GGA1: variants seen among roughly 807,000 people sequenced by gnomAD.
GGA1 encodes the protein golgi associated, gamma adaptin ear containing, ARF binding protein 1.
Under a neutral mutation model 76.9 loss-of-function variants are expected in GGA1, and 18 were observed. That is an observed-to-expected ratio of 0.23 (90% CI 0.16 to 0.35). The LOEUF is 0.35. GGA1 is among the 10% of genes least tolerant of loss of function. GGA1 has a pLI of 1.00. For synonymous variants in GGA1, 342 were observed against 354.7 expected, an observed-to-expected ratio of 0.96 and a Z score of 0.40; for missense variants, 755 against 859.0, an observed-to-expected ratio of 0.88 and a Z score of 1.51.
At chr22:37,613,764 C>A (rs897576242) in intron 1 of GGA1, among the ~76,000 whole-genome samples, 2 of 152,148 alleles carry the variant, frequency 1.3e-5, no homozygotes, top group Admixed American at 1.3e-4. Flanking sequence ...CCTAGCTTCC[C>A]TTGGCCCACT....
chr22:37,609,122 C>T lies in GGA1; in HGVS notation c.43+219C>T, dbSNP rs115096809. ...GTGGGAGCGGGCGCCGCCCACCTGT[C>T]GGATCCCTGGGCCATGACCCCTGGG... On this transcript the variant is annotated intron_variant, in intron 1 of 16. Coordinates refer to ENST00000343632, the MANE Select transcript of GGA1 (RefSeq NM_013365.5). 3,385 of 1,480,864 alleles carry T rather than the reference C, an allele frequency of 2.3e-3. 81 individuals carry two copies. The African/African-American group carries it at 0.045, about 20-fold the overall frequency. The allele number at this position is 1,480,864 out of a possible 1,614,324, so 91.7% of individuals were successfully genotyped here.
intron 4 of GGA1, among the ~76,000 whole-genome samples, chr22:37,619,347 G>A (rs1568978874): frequency 6.7e-6 from 1 of 149,024 alleles, no homozygotes; most frequent in Non-Finnish European, 1.5e-5. Flanking sequence ...TTACAGGCGT[G>A]AGCCACCATG....
Position 37,611,064 on chromosome 22 carries a change from T to G in GGA1, c.43+2161T>G, listed in dbSNP as rs1927466710. On this transcript the variant is annotated intron_variant, in intron 1 of 16. Transcript: ENST00000343632. Reference sequence around the variant, plus strand: ...ACTTCCTGTTTTAGGGTCTTCTGGCTGGGTGTCATTGAATGGGCAGTGATT... The same window carrying G: ...ACTTCCTGTTTTAGGGTCTTCTGGCGGGGTGTCATTGAATGGGCAGTGATT... 2.0e-5 allele frequency among the ~76,000 whole-genome samples: 3 copies of G among 152,348 alleles called. No homozygotes were observed. In the South Asian group the frequency reaches 6.2e-4, roughly 32 times the overall value.
intron 1 of GGA1, among the ~76,000 whole-genome samples, chr22:37,611,932 ATT>A (rs1927687388): frequency 6.6e-6 from 1 of 152,312 alleles, no homozygotes; most frequent in Admixed American, 6.5e-5. Context: ...TGGGTGGATC[ATT>A]TGAGGTCAGG....
chr22:37,631,055 T>C lies in GGA1; in HGVS notation c.1484T>C (p.Leu495Pro), dbSNP rs1323763324. Residue 495 changes from leucine (L) to proline (P), a missense_variant, in exon 14 of 17, where the codon CTC (leucine) becomes CCC (proline). Leu to Pro is a moderately conservative substitution (Grantham distance 98, BLOSUM62 -3). Transcript: ENST00000343632. ...CCGCAGCAGCCCGTACCAACCGAGC[T>C]CTCACTGGCCAGCATCACTGTGCCC... ...RPPQQPVPTE[L>P]SLASITVPLE... is the part of the protein sequence containing the mutation. 6.2e-7 allele frequency: 1 copy of C among 1,606,964 alleles called. No homozygotes were observed. The highest frequency in any genetic ancestry group is 2.3e-5 in the East Asian group (1 of 44,278).
At chr22:37,609,004 A>G (rs1926925660) in intron 1 of GGA1, 101 bp downstream of exon 1, 1 of 1,352,186 alleles carries the variant, frequency 7.4e-7, no homozygotes, top group African/African-American at 1.6e-5. Flanking sequence ...CCCCCTCCTC[A>G]CGCCCCGCCC....
At chr22:37,618,420 T>C (rs1311943289) in intron 3 of GGA1, 28 bp from the exon 4 acceptor site, 2 of 1,405,768 alleles carry the variant, frequency 1.4e-6, no homozygotes, top group East Asian at 2.3e-5. Flanking sequence ...CACCTGGGCG[T>C]CCCCTCCCAT....
Position 37,623,788 on chromosome 22 carries a change from G to A in GGA1, c.832+155G>A. ...CCGACCTTGGGTTTCTCCTCTCTGA[G>A]GACACAGAGCAGGGGCCGCCCCCCT... On this transcript the variant is annotated intron_variant, in intron 9 of 16. Transcript: ENST00000343632. This position sits in a 1 kb window ranked among gnomAD's most constrained non-coding sequence, Gnocchi z 4.6. 1.6e-6 allele frequency: 1 copy of A among 615,910 alleles called. No homozygotes were observed. Among genetic ancestry groups the A allele is most frequent in the South Asian group, 1.9e-5 (1 of 51,790 alleles). 38.2% of individuals were successfully genotyped at this position (615,910 alleles called of 1,614,324 possible).
rs1931997737 is a variant in GGA1, at chr22:37,632,468, C to T, written c.1762C>T (p.His588Tyr). 1 of 1,613,994 alleles carries T rather than the reference C, an allele frequency of 6.2e-7. No individual in the cohort carries two copies. Among genetic ancestry groups the T allele is most frequent in the Middle Eastern group, 1.6e-4 (1 of 6,062 alleles). ...TELPAFNPIV[H>Y]PSAITQVLLL... ...GCTGCCAGCTTTTAACCCCATCGTCCACCCCTCAGCAATCACCCAGGTCCT... is the reference window on the plus strand; with the variant it reads ...GCTGCCAGCTTTTAACCCCATCGTCTACCCCTCAGCAATCACCCAGGTCCT... Residue 588 changes from histidine to tyrosine, a missense_variant, in exon 16 of 17, where the codon CAC becomes TAC. By Grantham distance (83) the His-to-Tyr change is moderately conservative. Coordinates refer to ENST00000343632, the MANE Select transcript of GGA1 (RefSeq NM_013365.5). This position sits in a 1 kb window ranked among gnomAD's most constrained non-coding sequence, Gnocchi z 5.1.
At chr22:37,620,043 T>C in intron 4 of GGA1, 195 bp from the exon 5 acceptor site, 1 of 649,098 alleles carries the variant, frequency 1.5e-6, no homozygotes, top group Non-Finnish European at 2.8e-6. Flanking sequence ...CACTGAGGGC[T>C]GACCCAGCTA....
chr22:37,619,997 C>G, intron 4 of GGA1: 1 of 621,062 alleles, frequency 1.6e-6, no homozygotes, highest in Non-Finnish European at 2.9e-6. Context: ...GTTCTGCATC[C>G]TCACCATGGT....
At chr22:37,610,807 G>C (rs141202886) in intron 1 of GGA1, 1 of 152,274 alleles carries the variant, frequency 6.6e-6, no homozygotes, top group Non-Finnish European at 1.5e-5. Context: ...CTGCTAGGGA[G>C]GGTACTCCCC....
rs1362439135 is a variant in GGA1 at position 37,625,214 on chromosome 22, A to G, written c.940+138A>G. 5.4e-6 allele frequency: 4 copies of G among 745,950 alleles called. No homozygotes were observed. The highest frequency in any genetic ancestry group is 5.5e-5 in the East Asian group (2 of 36,272). 46.2% of individuals were successfully genotyped at this position (745,950 alleles called of 1,614,324 possible). A position where few individuals can be genotyped will look rare whatever the true frequency, so the allele number is the denominator to read the frequency against. ...GGCCCCTTAAGATGGGGAAGGCCCC[A>G]GGGAGGGAGCTGGGGGTGAAGTCTG... is the stretch of plus-strand genomic sequence containing the variant. On this transcript the variant is annotated intron_variant, in intron 10 of 16. Transcript: ENST00000343632. This position sits in a 1 kb window ranked among gnomAD's most constrained non-coding sequence, Gnocchi z 4.1.
chr22:37,630,381 T>G, intron 13 of GGA1: 1 of 527,682 alleles, frequency 1.9e-6, no homozygotes, highest in Non-Finnish European at 3.2e-6. Context: ...CCCCCAGGTG[T>G]TCCCAGCTCC....
rs903983688 is a variant in GGA1, at chr22:37,624,631, G to A, written c.833-338G>A. On this transcript the variant is annotated intron_variant, in intron 9 of 16. Transcript: ENST00000343632. The surrounding 1 kb of genome is among the most constrained non-coding windows in gnomAD (Gnocchi z 4.3). ...GATTTAGGACAGGCCTCCCTGAGGT[G>A]AGCCTTGGGTGAAGACCTGAAGGCA... 1.2e-5 allele frequency: 3 copies of A among 251,204 alleles called. No individual in the cohort carries two copies. In the Admixed American group the frequency reaches 1.3e-4, roughly 11 times the overall value. The allele number at this position is 251,204 out of a possible 1,614,324, so 15.6% of individuals were successfully genotyped here.
intron 1 of GGA1, chr22:37,609,150 GGCGAGTGAGCT>G (rs1569193292): frequency 6.9e-7 from 1 of 1,456,920 alleles, no homozygotes; most frequent in Non-Finnish European, 9.1e-7. Flanking sequence ...CCCCTGGGAC[GGCGAGTGAGCT>G]GCGCCGGGAA....
rs761140024 is a variant in GGA1 at position 37,631,999 on chromosome 22, A to G, written c.1532A>G (p.Asn511Ser). 10 of 1,605,618 alleles carry G rather than the reference A, an allele frequency of 6.2e-6. No individual in the cohort carries two copies. In the East Asian group the frequency reaches 1.3e-4, roughly 22 times the overall value. ...GCCCTCCCACCTTCTCCCACAGGCAACATCCTGCCCGTGACTGTGTATGAC... is the reference window on the plus strand; with the variant it reads ...GCCCTCCCACCTTCTCCCACAGGCAGCATCCTGCCCGTGACTGTGTATGAC... ...TVPLESIKPS[N>S]ILPVTVYDQH... Residue 511 changes from asparagine to serine, a missense_variant, in exon 15 of 17, where the codon AAC (asparagine) becomes AGC (serine). By Grantham distance (46) the Asn-to-Ser change is conservative. Coordinates refer to ENST00000343632, the MANE Select transcript of GGA1 (RefSeq NM_013365.5).
At chr22:37,610,603 A>G (rs1927330891) in intron 1 of GGA1, 1 of 151,446 alleles carries the variant, frequency 6.6e-6, no homozygotes, top group African/African-American at 2.4e-5. Context: ...GGCCTCTCAA[A>G]GTGTTGGGAT....
chr22:37,623,112 T>C lies in GGA1; in HGVS notation c.610-215T>C, dbSNP rs1160785043. On this transcript the variant is annotated intron_variant, in intron 7 of 16. Transcript: ENST00000343632. The surrounding 1 kb of genome is among the most constrained non-coding windows in gnomAD (Gnocchi z 4.6). Reference sequence around the variant, plus strand: ...ATCTCTGAAGATCCTGATGAGCTTGTGCAGAGGCCTGGGCACTGGGGGCTT... The same window carrying C: ...ATCTCTGAAGATCCTGATGAGCTTGCGCAGAGGCCTGGGCACTGGGGGCTT... Among the ~76,000 whole-genome samples, 1 of 152,194 alleles carries C rather than the reference T, an allele frequency of 6.6e-6. No individual in the cohort carries two copies. Among genetic ancestry groups the C allele is most frequent in the African/African-American group, 2.4e-5 (1 of 41,448 alleles).
Sources: allele counts gnomAD v4.1 joint callset (sites outside exome capture counted in the v4.1 genomes callset), GRCh38; gene constraint gnomAD v4.1.1; non-coding constraint Gnocchi (gnomAD v3.1); transcripts MANE v1.5; gene names NCBI Gene and HGNC (gene_info 2026-07-23, HGNC 2026-07-21).